The following CDH13 variants were observed in gnomAD, a reference collection of about 807,000 sequenced individuals.
CDH13 encodes cadherin 13.
In CDH13, 24 loss-of-function variants were observed where a neutral mutation model predicts 63.8. The observed-to-expected ratio is 0.38, with a 90% CI of 0.27 to 0.53. CDH13 has a LOEUF of 0.53. Ranked by LOEUF, CDH13 falls within the 20% of genes least tolerant of loss-of-function variation. CDH13 has a pLI of 0.85. For missense variants in CDH13, 1,049 were observed against 903.1 expected, an observed-to-expected ratio of 1.16 and a Z score of -2.07; for synonymous variants, 503 against 355.3, an observed-to-expected ratio of 1.42 and a Z score of -4.67.
intron 3 of CDH13, among the ~76,000 whole-genome samples, chr16:83,061,520 A>C (rs950675255): frequency 6.6e-5 from 10 of 152,182 alleles, no homozygotes; most frequent in Non-Finnish European, 1.0e-4. Flanking sequence ...CCAGCTAAAA[A>C]TTCTTCCAGC....
At position 83,036,622 on chromosome 16, in the gene CDH13, G is replaced by A. The variant is rs547292832; in HGVS notation, c.366+4404G>A. ...TGCCCTTCCCACTTTCCCTCTTCCC[G>A]TGGCTGAACCTGATAGAACACTCCT... On this transcript the variant is annotated intron_variant, in intron 3 of 13. Transcript: ENST00000567109. Among the ~76,000 whole-genome samples, 12 of 152,140 alleles carry A rather than the reference G, an allele frequency of 7.9e-5. No homozygotes were observed. In the South Asian group the frequency reaches 8.3e-4, roughly 11 times the overall value.
intron 5 of CDH13, among the ~76,000 whole-genome samples, chr16:83,278,351 A>G (rs1025800668): frequency 1.3e-5 from 2 of 152,166 alleles, no homozygotes; most frequent in Non-Finnish European, 2.9e-5. Context: ...AACCAAAGAT[A>G]CCTTCTAAGC....
chr16:83,539,815 G>A (rs1018750137), intron 7 of CDH13, among the ~76,000 whole-genome samples: 1 of 152,182 alleles, frequency 6.6e-6, no homozygotes, highest in Non-Finnish European at 1.5e-5. Flanking sequence ...CCCAGAGGAG[G>A]AATGGTTCTA....
intron 5 of CDH13, among the ~76,000 whole-genome samples, chr16:83,257,205 G>A (rs1369932947): frequency 6.6e-6 from 1 of 151,708 alleles, no homozygotes; most frequent in Non-Finnish European, 1.5e-5. Context: ...AAGACAGTAG[G>A]GCTTCATGGA....
chr16:83,634,694 C>T (rs1347413425), intron 8 of CDH13, among the ~76,000 whole-genome samples: 1 of 152,118 alleles, frequency 6.6e-6, no homozygotes, highest in Non-Finnish European at 1.5e-5. Context: ...AGCTACCACA[C>T]CTGGCTGAGA....
At chr16:83,298,047 C>CAAAAAAAAAAAA (rs71382871) in intron 5 of CDH13, among the ~76,000 whole-genome samples, 1 of 99,748 alleles carries the variant, frequency 1.0e-5, no homozygotes, top group Non-Finnish European at 2.1e-5. Context: ...CTTGTTTCTA[C>CAAAAAAAAAAAA]AAAAAAAAAA....
intron 3 of CDH13, among the ~76,000 whole-genome samples, chr16:83,104,812 G>C (rs141169702): frequency 7.2e-4 from 110 of 152,252 alleles, no homozygotes; most frequent in African/African-American, 2.5e-3. Flanking sequence ...ACATTATGAA[G>C]CTAACGAACA....
In CDH13 at chr16:83,447,562, G is replaced by A. The variant is rs73601918; in HGVS notation, c.782-38915G>A. ...ATTGGTGCTGTTTGAGCTGGGCGGG[G>A]CAGATGATACCAGATCTTTAGCAAG... is the stretch of plus-strand genomic sequence containing the variant. On this transcript the variant is annotated intron_variant, in intron 6 of 13. Transcript: ENST00000567109. Among the ~76,000 whole-genome samples the A allele has an allele frequency of 4.1e-3, 630 of 152,138 alleles. 5 individuals are homozygous for A. Among genetic ancestry groups the A allele is most frequent in the African/African-American group, 0.014 (593 of 41,504 alleles).
At chr16:82,896,426 T>G (rs2041265669) in intron 2 of CDH13, among the ~76,000 whole-genome samples, 1 of 151,746 alleles carries the variant, frequency 6.6e-6, no homozygotes, top group Admixed American at 6.6e-5. Context: ...CCTGAGAAGC[T>G]GGGACTACAG....
intron 1 of CDH13, among the ~76,000 whole-genome samples, chr16:82,651,206 TAAG>T (rs1486285280): frequency 6.6e-6 from 1 of 152,234 alleles, no homozygotes; most frequent in African/African-American, 2.4e-5. Flanking sequence ...TTTTAACAAA[TAAG>T]AAATAACTTT....
chr16:82,876,648 G>C (rs1597873358), intron 2 of CDH13, among the ~76,000 whole-genome samples: 1 of 152,158 alleles, frequency 6.6e-6, no homozygotes, highest in South Asian at 2.1e-4. Context: ...TGTTAAGATA[G>C]GAATAACTTA....
At chr16:83,188,737 T>C (rs2038605056) in intron 4 of CDH13, among the ~76,000 whole-genome samples, 1 of 152,264 alleles carries the variant, frequency 6.6e-6, no homozygotes, top group South Asian at 2.1e-4. Flanking sequence ...AAAAAGACTA[T>C]GAATCTTTCT....
At chr16:83,141,790 G>T (rs1448748961) in intron 4 of CDH13, among the ~76,000 whole-genome samples, 1 of 152,156 alleles carries the variant, frequency 6.6e-6, no homozygotes, top group Non-Finnish European at 1.5e-5. Context: ...TTCTGTCTTA[G>T]TTTGCTGAGA....
chr16:83,290,618 A>G (rs2089443003), intron 5 of CDH13, among the ~76,000 whole-genome samples: 1 of 152,172 alleles, frequency 6.6e-6, no homozygotes, highest in Non-Finnish European at 1.5e-5. Flanking sequence ...TGTCTTTATT[A>G]GCAGTGTGAG....
At chr16:82,669,837 T>C (rs2150941441) in intron 1 of CDH13, among the ~76,000 whole-genome samples, 1 of 152,324 alleles carries the variant, frequency 6.6e-6, no homozygotes, top group South Asian at 2.1e-4. Context: ...CTGATCTCAC[T>C]TTAGGGAGTT....
intron 2 of CDH13, among the ~76,000 whole-genome samples, chr16:82,987,427 A>T (rs1249302527): frequency 6.6e-6 from 1 of 152,066 alleles, no homozygotes; most frequent in Non-Finnish European, 1.5e-5. Context: ...CCCAGGCTGG[A>T]ATACAGTGTC....
intron 6 of CDH13, among the ~76,000 whole-genome samples, chr16:83,480,795 A>G (rs751036187): frequency 7.2e-5 from 11 of 152,194 alleles, no homozygotes; most frequent in Non-Finnish European, 1.5e-4. Flanking sequence ...AGAATCTTCA[A>G]TGGAAATTTA....
intron 1 of CDH13, among the ~76,000 whole-genome samples, chr16:82,670,113 T>C (rs1341091701): frequency 2.0e-5 from 3 of 152,218 alleles, no homozygotes; most frequent in Non-Finnish European, 2.9e-5. Context: ...ACCGAGCATA[T>C]GGGGCTTCAG....
At chr16:82,921,174 G>C (rs1217713653) in intron 2 of CDH13, among the ~76,000 whole-genome samples, 2 of 152,070 alleles carry the variant, frequency 1.3e-5, no homozygotes, top group African/African-American at 4.8e-5. Context: ...AAATTTGGTG[G>C]CTTAAAACAA....
Sources: gnomAD v4.1 joint callset for allele counts (sites outside exome capture counted in the v4.1 genomes callset) on GRCh38, gnomAD v4.1.1 for gene constraint, MANE v1.5 for transcripts, NCBI Gene and HGNC (gene_info 2026-07-23, HGNC 2026-07-21) for gene names.